The following NYX variants were observed in gnomAD, a reference collection of about 807,000 sequenced individuals.
NYX encodes the protein leucine-rich repeat protein.
For missense variants in NYX, 481 were observed against 485.4 expected, an observed-to-expected ratio of 0.99 and a Z score of 0.09; for synonymous variants, 258 against 245.7, an observed-to-expected ratio of 1.05 and a Z score of -0.47.
chrX:41,448,068 G>C, intron 2 of NYX, 142 bp downstream of exon 2: 1 of 601,920 alleles, frequency 1.7e-6, no homozygotes. Context: ...CTGTGATCGT[G>C]GGGGAGGGGA....
At chrX:41,463,607 G>A (rs1426521902) in intron 2 of NYX, among the ~76,000 whole-genome samples, 2 of 111,102 alleles carry the variant, frequency 1.8e-5, no homozygotes, top group Non-Finnish European at 3.8e-5. Context: ...ATTTTTAGTA[G>A]AGACGGGGTT....
rs1357263305 is a variant in NYX, at chrX:41,474,325, C to A, written c.857C>A (p.Ala286Asp). 3 of 1,207,745 alleles carry A rather than the reference C, an allele frequency of 2.5e-6. No homozygotes were observed. The African/African-American group carries it at 5.2e-5, about 21-fold the overall frequency. ...ELLYLDRNSI[A>D]FVEEGAFQNL... ...CTCTACCTGGACCGCAACAGCATCG[C>A]CTTCGTGGAGGAGGGCGCCTTCCAG... Residue 286 changes from alanine to aspartate, a missense_variant, in exon 3 of 3, where the codon GCC (alanine) becomes GAC (aspartate). Physicochemically the swap from Ala to Asp is moderately radical, Grantham distance 126 (BLOSUM62 -2). Coordinates refer to ENST00000378220, the MANE Select transcript of NYX (RefSeq NM_001378477.3).
chrX:41,459,866 T>TA (rs1420590382), intron 2 of NYX, among the ~76,000 whole-genome samples: 1 of 103,546 alleles, frequency 9.7e-6, no homozygotes, highest in African/African-American at 3.7e-5. Context: ...TTTGTGGACT[T>TA]TTTTTTTTTT....
rs892306018 is a variant in NYX at position 41,453,963 on chromosome X, A to G, written c.22+6037A>G. ...TAGGCATGGAATTGCTAGGTCATAT[A>G]CTAACTCTACATTACACTTTGTAAC... On this transcript the variant is annotated intron_variant, in intron 2 of 2. Coordinates refer to ENST00000378220, the MANE Select transcript of NYX (RefSeq NM_001378477.3). 8.9e-5 allele frequency among the ~76,000 whole-genome samples: 10 copies of G among 112,566 alleles called. No homozygotes were observed. The East Asian group carries it at 2.8e-3, about 31-fold the overall frequency.
intron 1 of NYX, 97 bp downstream of exon 1, chrX:41,447,613 G>T: frequency 2.5e-6 from 1 of 393,838 alleles, no homozygotes. Context: ...CATCTGAGTT[G>T]CTGTCAGGGC....
intron 2 of NYX, among the ~76,000 whole-genome samples, chrX:41,448,238 T>C (rs1233560868): frequency 9.0e-6 from 1 of 111,588 alleles, no homozygotes; most frequent in Non-Finnish European, 1.9e-5. Flanking sequence ...GCTACAGTGT[T>C]TTTTTGTTTT....
Position 41,460,876 on chromosome X carries a change from ATTTTTTTTTTTTTTT to A in NYX, c.23-12599_23-12585del, listed in dbSNP as rs59383905. ...ATGTAAGCGGAGTCACACAGTATGT[ATTTTTTTTTTTTTTT>A]TTTTTTTTTTTTTTTGGTCTGGCTC... On this transcript the variant is annotated intron_variant, in intron 2 of 2. Transcript: ENST00000378220. Among the ~76,000 whole-genome samples, 108 of 24,788 alleles carry A rather than the reference ATTTTTTTTTTTTTTT, an allele frequency of 4.4e-3. 3 individuals carry two copies. The highest frequency in any genetic ancestry group is 0.015 in the African/African-American group (102 of 6,581). 21.5% of individuals were successfully genotyped at this position (24,788 alleles called of 115,157 possible).
chrX:41,467,899 T>G (rs763659232), intron 2 of NYX, among the ~76,000 whole-genome samples: 1 of 111,124 alleles, frequency 9.0e-6, no homozygotes, highest in Non-Finnish European at 1.9e-5. Flanking sequence ...GCTCAAGCGA[T>G]CCTCCTGCCA....
In NYX at chrX:41,473,991, G is replaced by C. The variant is rs1185803465; in HGVS notation, c.523G>C (p.Gly175Arg). Residue 175 changes from glycine to arginine, a missense_variant, in exon 3 of 3, where the codon GGC (glycine) becomes CGC (arginine). By Grantham distance (125) the Gly-to-Arg change is moderately radical. Transcript: ENST00000378220. ...LFRRVPGALRGLANLTHAHLE... is the reference protein window; with the variant it reads ...LFRRVPGALRRLANLTHAHLE... ...CCGCCGCGTGCCGGGCGCGCTGCGC[G>C]GCCTGGCCAACCTGACGCACGCGCA... 5.4e-5 allele frequency: 58 copies of C among 1,070,115 alleles called. No individual in the cohort carries two copies. Among genetic ancestry groups the C allele is most frequent in the Non-Finnish European group, 6.7e-5 (56 of 832,843 alleles). 88.2% of individuals were successfully genotyped at this position (1,070,115 alleles called of 1,213,427 possible).
chrX:41,455,377 G>T (rs1377075051), intron 2 of NYX, among the ~76,000 whole-genome samples: 2 of 110,612 alleles, frequency 1.8e-5, no homozygotes, highest in African/African-American at 6.6e-5. Context: ...AAAGTGCTGG[G>T]ATTACAGGCA....
chrX:41,465,260 C>T (rs1052162076), intron 2 of NYX, among the ~76,000 whole-genome samples: 15 of 110,466 alleles, frequency 1.4e-4, no homozygotes, highest in African/African-American at 4.3e-4. Flanking sequence ...TTTGGTTGTA[C>T]ACTGGATACT....
At chrX:41,466,964 T>TTTTG (rs946450431) in intron 2 of NYX, among the ~76,000 whole-genome samples, 1 of 108,216 alleles carries the variant, frequency 9.2e-6, no homozygotes, top group Non-Finnish European at 1.9e-5. Context: ...CCAGGCTAAT[T>TTTTG]TTTGTTTGTT....
At chrX:41,461,348 A>C (rs2064318952) in intron 2 of NYX, among the ~76,000 whole-genome samples, 2 of 103,725 alleles carry the variant, frequency 1.9e-5, no homozygotes, top group Non-Finnish European at 3.9e-5. Flanking sequence ...AATGCCATTA[A>C]TTTATTCCTT....
intron 2 of NYX, among the ~76,000 whole-genome samples, chrX:41,470,642 C>T (rs776363167): frequency 4.2e-5 from 4 of 94,332 alleles, no homozygotes; most frequent in African/African-American, 1.6e-4. Context: ...TGCAGTGGGC[C>T]GAGATTAGCG....
At chrX:41,472,636 G>C in intron 2 of NYX, 2 of 463,290 alleles carry the variant, frequency 4.3e-6, no homozygotes, top group Non-Finnish European at 7.6e-6. Flanking sequence ...GCACAGGAAA[G>C]GTCACTGGAG....
At chrX:41,454,177 A>G (rs913147484) in intron 2 of NYX, among the ~76,000 whole-genome samples, 2 of 111,996 alleles carry the variant, frequency 1.8e-5, no homozygotes, top group African/African-American at 6.5e-5. Flanking sequence ...TCAAAGCTCC[A>G]CAAGGTGATT....
rs776200278 is a variant in NYX, at chrX:41,474,539, C to T, written c.1071C>T (p.Cys357=). 6.7e-6 allele frequency: 8 copies of T among 1,201,891 alleles called. No individual in the cohort carries two copies. In the East Asian group the frequency reaches 2.1e-4, roughly 31 times the overall value. Residue 357 remains cysteine (C), a synonymous_variant, in exon 3 of 3, where the codon TGC becomes TGT. Coordinates refer to ENST00000378220, the MANE Select transcript of NYX (RefSeq NM_001378477.3). ...CCGGACGTGTCACCGACGTGCCGTG[C>T]GCCTCCCCGGGCTCCGTGGCCGGCC... ...EGSGRVTDVP[C]ASPGSVAGLD...
intron 2 of NYX, among the ~76,000 whole-genome samples, chrX:41,457,844 C>G (rs1036294677): frequency 1.8e-5 from 2 of 110,935 alleles, no homozygotes; most frequent in Non-Finnish European, 3.8e-5. Context: ...GCTGTCAGAC[C>G]GTGGAAAATG....
chrX:41,473,416 T>C, intron 2 of NYX, 75 bp from the exon 3 acceptor site: 1 of 890,460 alleles, frequency 1.1e-6, no homozygotes. Flanking sequence ...TTTCCTGGGG[T>C]GACCTTTGGC....
Sources: gnomAD v4.1 joint callset for allele counts (sites outside exome capture counted in the v4.1 genomes callset) on GRCh38, gnomAD v4.1.1 for gene constraint, MANE v1.5 for transcripts, NCBI Gene and HGNC (gene_info 2026-07-23, HGNC 2026-07-21) for gene names.